Variants in LRRC9 observed in about 807,000 individuals in gnomAD.
LRRC9 encodes leucine-rich repeat-containing protein 9.
Under a neutral mutation model 63.2 loss-of-function variants are expected in LRRC9, and 122 were observed. The observed-to-expected ratio is 1.93, with a 90% CI of 1.67 to 2.24. LRRC9 has a LOEUF of 2.24. Among genes scored for constraint, LRRC9 ranks in the 30% most tolerant of loss-of-function variants. LRRC9 has a pLI of 0.00. For synonymous variants in LRRC9, 366 were observed against 213.1 expected (o/e 1.72, Z -6.25); for missense variants, 1,071 against 627.7 (o/e 1.71, Z -7.55).
Position 60,003,853 on chromosome 14 carries a change from G to A in LRRC9, c.2842+55G>A. ...AAATATGGGATGTCTAAACAACAAA[G>A]CAAAAAATAACCCTGGGAACAGAGT... On this transcript the variant is annotated intron_variant, in intron 21 of 31. Transcript: ENST00000445360. The surrounding 1 kb of genome is among the most constrained non-coding windows in gnomAD (Gnocchi z 4.2). 2 of 538,962 alleles carry A rather than the reference G, an allele frequency of 3.7e-6. No individual in the cohort carries two copies. The highest frequency in any genetic ancestry group is 3.3e-6 in the Non-Finnish European group (1 of 306,626). 33.4% of individuals were successfully genotyped at this position (538,962 alleles called of 1,614,324 possible).
chr14:59,994,561 C>A (rs1205989687), intron 17 of LRRC9, among the ~76,000 whole-genome samples: 2 of 152,174 alleles, frequency 1.3e-5, no homozygotes, highest in Non-Finnish European at 2.9e-5. Context: ...CACATGCACA[C>A]ATATGTTTAT....
chr14:60,063,442 TAAA>T (rs60032242), exon 32 of LRRC9: 3,261 of 583,586 alleles, frequency 5.6e-3, no homozygotes, highest in South Asian at 9.3e-3. Context: ...AGTGGTCAGT[TAAA>T]AAAAAAAAAA....
chr14:60,000,658 C>T (rs1202455066), intron 19 of LRRC9, among the ~76,000 whole-genome samples: 3 of 151,780 alleles, frequency 2.0e-5, no homozygotes, highest in African/African-American at 7.3e-5. Flanking sequence ...AAGGCAAAAC[C>T]AAAAATTTTT....
chr14:59,949,672 C>A (rs374536774), intron 8 of LRRC9, among the ~76,000 whole-genome samples: 1 of 150,906 alleles, frequency 6.6e-6, no homozygotes, highest in Non-Finnish European at 1.5e-5. Context: ...GCTTTGAATG[C>A]GTCCCAGAGA....
At chr14:60,047,745 A>C (rs1045596564) in intron 29 of LRRC9, among the ~76,000 whole-genome samples, 12 of 152,202 alleles carry the variant, frequency 7.9e-5, no homozygotes, top group African/African-American at 2.9e-4. Flanking sequence ...ATTGAGACAG[A>C]AAATTAACAA....
At chr14:60,032,016 C>T (rs759317457) in exon 29 of LRRC9, 6 of 700,684 alleles carry the variant, frequency 8.6e-6, no homozygotes, top group South Asian at 7.4e-5. Flanking sequence ...ACTGGAAAAA[C>T]TTGACGTTAT....
rs1893061780 is a variant in LRRC9 at position 60,042,695 on chromosome 14, T to C, written c.3991-10370T>C. ...AGGGAATTTCCCCACCCTTTGCACT[T>C]CCCGGGTGAGGCAATGCCCTGTCCT... On this transcript the variant is annotated intron_variant, in intron 29 of 31. Transcript: ENST00000445360. The surrounding 1 kb of genome is among the most constrained non-coding windows in gnomAD (Gnocchi z 4.2). Among the ~76,000 whole-genome samples, 1 of 152,110 alleles carries C rather than the reference T, an allele frequency of 6.6e-6. No homozygotes were observed. Among genetic ancestry groups the C allele is most frequent in the African/African-American group, 2.4e-5 (1 of 41,418 alleles).
intron 12 of LRRC9, among the ~76,000 whole-genome samples, chr14:59,970,419 C>T (rs980589003): frequency 8.6e-5 from 13 of 152,034 alleles, no homozygotes; most frequent in South Asian, 4.1e-4. Context: ...TATGATAGAA[C>T]GATTTATATT....
At chr14:59,952,386 T>TC (rs1842630613) in intron 8 of LRRC9, among the ~76,000 whole-genome samples, 2 of 152,142 alleles carry the variant, frequency 1.3e-5, no homozygotes, top group African/African-American at 4.8e-5. Context: ...CCCACTGGCC[T>TC]GCGCCCACTG....
intron 8 of LRRC9, among the ~76,000 whole-genome samples, chr14:59,952,346 C>T (rs1883247867): frequency 6.6e-6 from 1 of 152,240 alleles, no homozygotes; most frequent in Non-Finnish European, 1.5e-5. Flanking sequence ...CAATGCCTCG[C>T]CTTGCTTCGG....
At position 59,922,038 on chromosome 14, in the gene LRRC9, T is replaced by C. The variant is rs913558120; in HGVS notation, c.-34+2155T>C. The stretch of plus-strand genomic sequence containing the variant: ...GGCAGAGGTTGGAGTGAGCCCAGAT[T>C]GTGCCACTGCAGTCAAGCCTGGGCA... On this transcript the variant is annotated intron_variant, in intron 1 of 31. Transcript: ENST00000445360. This position sits in a 1 kb window ranked among gnomAD's most constrained non-coding sequence, Gnocchi z 5.3. Among the ~76,000 whole-genome samples, 1 of 151,526 alleles carries C rather than the reference T, an allele frequency of 6.6e-6. No homozygotes were observed. Among genetic ancestry groups the C allele is most frequent in the Admixed American group, 6.6e-5 (1 of 15,222 alleles).
intron 29 of LRRC9, among the ~76,000 whole-genome samples, chr14:60,043,278 C>T (rs1184549839): frequency 6.6e-6 from 1 of 152,062 alleles, no homozygotes; most frequent in Non-Finnish European, 1.5e-5. Context: ...AATTTGGATG[C>T]CCTTTCTTTC....
intron 8 of LRRC9, among the ~76,000 whole-genome samples, chr14:59,951,752 C>T (rs1014934539): frequency 5.3e-5 from 8 of 151,766 alleles, no homozygotes; most frequent in African/African-American, 1.9e-4. Context: ...TTGGAATACC[C>T]TGCTGTGTGA....
At chr14:60,028,010 T>C in exon 28 of LRRC9, 1 of 701,858 alleles carries the variant, frequency 1.4e-6, no homozygotes, top group Non-Finnish European at 2.6e-6. Flanking sequence ...TTATTGGCAC[T>C]TCACTTGGAG....
At chr14:60,020,494 G>A (rs1255293769) in intron 26 of LRRC9, among the ~76,000 whole-genome samples, 2 of 151,790 alleles carry the variant, frequency 1.3e-5, no homozygotes, top group African/African-American at 4.8e-5. Context: ...GGCAGTTAAT[G>A]TATCATGTTT....
chr14:60,051,005 T>C lies in LRRC9; in HGVS notation c.3991-2060T>C, dbSNP rs572421630. On this transcript the variant is annotated intron_variant, in intron 29 of 31. Transcript: ENST00000445360. The surrounding 1 kb of genome is among the most constrained non-coding windows in gnomAD (Gnocchi z 4.7). ...CCTGTTGCTGGCCCAAATGCACCTGTAGGAGGTGTCTGGAGACCCCTGTTA... is the reference window on the plus strand; with the variant it reads ...CCTGTTGCTGGCCCAAATGCACCTGCAGGAGGTGTCTGGAGACCCCTGTTA... Among the ~76,000 whole-genome samples the C allele has an allele frequency of 9.9e-5, 15 of 152,262 alleles. No homozygotes were observed. In the South Asian group the frequency reaches 3.1e-3, roughly 32 times the overall value.
intron 15 of LRRC9, among the ~76,000 whole-genome samples, chr14:59,978,705 A>C (rs1202294837): frequency 2.6e-5 from 4 of 152,172 alleles, no homozygotes; most frequent in Non-Finnish European, 4.4e-5. Flanking sequence ...TACTGTGTCC[A>C]TATTTATTAT....
chr14:59,943,479 A>C (rs1260246611), intron 7 of LRRC9, among the ~76,000 whole-genome samples: 2 of 152,184 alleles, frequency 1.3e-5, no homozygotes, highest in South Asian at 2.1e-4. Context: ...AGAAAAAAAA[A>C]CAAGAAACAC....
At chr14:59,934,690 C>T (rs1594815045) in intron 6 of LRRC9, among the ~76,000 whole-genome samples, 1 of 152,254 alleles carries the variant, frequency 6.6e-6, no homozygotes, top group East Asian at 1.9e-4. Flanking sequence ...GTGTATCTTT[C>T]CCCTTCTAGT....
Sources: gnomAD v4.1 joint callset for allele counts (sites outside exome capture counted in the v4.1 genomes callset) on GRCh38, gnomAD v4.1.1 for gene constraint, Gnocchi (gnomAD v3.1) non-coding constraint, MANE v1.5 for transcripts, NCBI Gene and HGNC (gene_info 2026-07-23, HGNC 2026-07-21) for gene names.